Variants in CALN1 observed in about 807,000 individuals in gnomAD.
The protein encoded by CALN1 is calcium-binding protein 8.
CALN1 carries 17 observed loss-of-function variants against 30.6 expected under a neutral mutation model. That is an observed-to-expected ratio of 0.56 (90% CI 0.38 to 0.83). The LOEUF (loss-of-function observed/expected upper bound fraction) is 0.83. Among genes scored for constraint, CALN1 ranks in the 40% least tolerant of loss-of-function variants. The pLI is 0.00. For synonymous variants in CALN1, 156 were observed against 131.4 expected (o/e 1.19, Z -1.28); for missense variants, 291 against 354.9 (o/e 0.82, Z 1.45).
intron 3 of CALN1, among the ~76,000 whole-genome samples, chr7:72,185,864 T>C (rs1425386071): frequency 3.9e-5 from 6 of 152,206 alleles, no homozygotes; most frequent in African/African-American, 1.2e-4. Flanking sequence ...TCCCCCATGA[T>C]TGCGAGGCTT....
At chr7:72,318,362 C>G (rs954528575) in intron 2 of CALN1, among the ~76,000 whole-genome samples, 6 of 152,190 alleles carry the variant, frequency 3.9e-5, no homozygotes. Flanking sequence ...ACTATTATCT[C>G]CCTCTTACTC....
At chr7:72,114,891 G>C (rs1446075979) in intron 3 of CALN1, among the ~76,000 whole-genome samples, 1 of 152,006 alleles carries the variant, frequency 6.6e-6, no homozygotes, top group African/African-American at 2.4e-5. Flanking sequence ...CTACTTGGGA[G>C]GCTGAGACAG....
the CALN1 span, among the ~76,000 whole-genome samples, chr7:72,456,785 G>A: frequency 6.6e-6 from 1 of 151,966 alleles, no homozygotes; most frequent in Non-Finnish European, 1.5e-5. Context: ...AGTTGAGATT[G>A]CAGTGAGTCA....
intron 2 of CALN1, chr7:72,337,475 G>C (rs905154797): frequency 5.7e-6 from 1 of 176,690 alleles, no homozygotes; most frequent in Non-Finnish European, 1.1e-5. Flanking sequence ...AGGCAGACAC[G>C]CGGGGGGCGA....
intron 4 of CALN1, among the ~76,000 whole-genome samples, chr7:72,073,558 G>T (rs1804539416): frequency 2.0e-5 from 3 of 152,106 alleles, no homozygotes; most frequent in South Asian, 2.1e-4. Context: ...GAGAAAAAGG[G>T]GAGGGGAATA....
chr7:71,923,800 T>C (rs202060783), intron 5 of CALN1, among the ~76,000 whole-genome samples: 16 of 32,822 alleles, frequency 4.9e-4, no homozygotes, highest in African/African-American at 1.6e-3. Context: ...ACCACAGTGT[T>C]CCCCTCCCTG....
intron 5 of CALN1, among the ~76,000 whole-genome samples, chr7:72,015,310 C>A (rs1041821774): frequency 2.0e-5 from 3 of 152,220 alleles, no homozygotes; most frequent in Non-Finnish European, 4.4e-5. Context: ...CCAGCGTTGA[C>A]GTCACCCAGA....
At chr7:72,292,225 C>G (rs990321272) in intron 2 of CALN1, among the ~76,000 whole-genome samples, 10 of 151,784 alleles carry the variant, frequency 6.6e-5, no homozygotes, top group Non-Finnish European at 1.5e-4. Context: ...TCATGGTTCT[C>G]AAGCCTGGAA....
intron 3 of CALN1, among the ~76,000 whole-genome samples, chr7:72,224,310 G>C (rs112019112): frequency 5.3e-5 from 8 of 152,008 alleles, no homozygotes; most frequent in Admixed American, 4.6e-4. Flanking sequence ...CCAAAGACAG[G>C]GCAACGCCAG....
intron 5 of CALN1, among the ~76,000 whole-genome samples, chr7:71,825,259 C>T (rs1241066324): frequency 6.6e-6 from 1 of 152,088 alleles, no homozygotes; most frequent in South Asian, 2.1e-4. Flanking sequence ...AATTGTAGTT[C>T]CCATAATTCC....
At chr7:72,313,980 GCAGA>G (rs1386160408) in intron 2 of CALN1, among the ~76,000 whole-genome samples, 2 of 152,154 alleles carry the variant, frequency 1.3e-5, no homozygotes, top group Non-Finnish European at 2.9e-5. Context: ...AGACAACAGG[GCAGA>G]CAGACAGAGC....
At chr7:71,840,468 C>T (rs1584343385) in intron 5 of CALN1, among the ~76,000 whole-genome samples, 1 of 108,844 alleles carries the variant, frequency 9.2e-6, no homozygotes, top group African/African-American at 3.7e-5. Context: ...CTGGGTGACA[C>T]AGTAAGATGC....
intron 4 of CALN1, among the ~76,000 whole-genome samples, chr7:72,083,156 G>C (rs34913023): frequency 0.23 from 34,522 of 151,886 alleles, 4,855 homozygotes; most frequent in East Asian, 0.69. Context: ...AGCCGAGATC[G>C]CACCACTGCA....
rs71069052 is a variant in CALN1 at position 72,287,435 on chromosome 7, A to ATTTT, written c.120-8629_120-8626dup. ...AAATCCATACACATACACCAAATTA[A>ATTTT]TTTTTTTTTTTTTTTTTTTTTTTTT... On this transcript the variant is annotated intron_variant, in intron 2 of 6. Coordinates refer to ENST00000395275, the MANE Select transcript of CALN1 (RefSeq NM_031468.4). Among the ~76,000 whole-genome samples, 230 of 68,090 alleles carry ATTTT rather than the reference A, an allele frequency of 3.4e-3. 19 individuals are homozygous for ATTTT. Among genetic ancestry groups the ATTTT allele is most frequent in the African/African-American group, 0.013 (214 of 16,656 alleles). 44.7% of individuals were successfully genotyped at this position (68,090 alleles called of 152,430 possible).
At chr7:71,928,767 C>T (rs951458778) in intron 5 of CALN1, among the ~76,000 whole-genome samples, 9 of 152,030 alleles carry the variant, frequency 5.9e-5, no homozygotes, top group African/African-American at 2.2e-4. Context: ...CGCAGTGGCT[C>T]ATGCCTATAA....
At chr7:71,802,637 A>T (rs917511346) in intron 6 of CALN1, among the ~76,000 whole-genome samples, 2 of 152,056 alleles carry the variant, frequency 1.3e-5, no homozygotes, top group African/African-American at 4.8e-5. Flanking sequence ...TAATTAAAAA[A>T]TTTTTCTTTT....
chr7:72,064,615 A>G (rs1455931603), intron 4 of CALN1, among the ~76,000 whole-genome samples: 1 of 152,200 alleles, frequency 6.6e-6, no homozygotes, highest in African/African-American at 2.4e-5. Context: ...ATAGACAGGG[A>G]TGGTTGTTAA....
At chr7:71,998,439 T>C (rs1038865813) in intron 5 of CALN1, among the ~76,000 whole-genome samples, 11 of 152,160 alleles carry the variant, frequency 7.2e-5, no homozygotes, top group African/African-American at 2.4e-4. Flanking sequence ...AAGACAATGA[T>C]ATTTAAGAGC....
intron 3 of CALN1, among the ~76,000 whole-genome samples, chr7:72,122,844 C>G (rs1808487720): frequency 1.3e-5 from 2 of 152,150 alleles, no homozygotes; most frequent in Admixed American, 1.3e-4. Flanking sequence ...GTGCTAAGAC[C>G]AGGTCCCAGA....
Sources: allele counts gnomAD v4.1 joint callset (sites outside exome capture counted in the v4.1 genomes callset), GRCh38; gene constraint gnomAD v4.1.1; transcripts MANE v1.5; gene names NCBI Gene and HGNC (gene_info 2026-07-23, HGNC 2026-07-21).